Variants in LNP1 observed in about 807,000 individuals in gnomAD.
LNP1 encodes leukemia NUP98 fusion partner 1.
In LNP1, 12 loss-of-function variants were observed where a neutral mutation model predicts 14.5. That is an observed-to-expected ratio of 0.83 (90% CI 0.53 to 1.34). The LOEUF (loss-of-function observed/expected upper bound fraction) is 1.34, where lower values mean the gene tolerates loss of function less well. Ranked by LOEUF, LNP1 falls within the 40% of genes most tolerant of loss-of-function variation. The pLI is 0.00. For missense variants in LNP1, 198 were observed against 210.9 expected, an observed-to-expected ratio of 0.94 and a Z score of 0.38; for synonymous variants, 75 against 71.4, an observed-to-expected ratio of 1.05 and a Z score of -0.26.
intron 3 of LNP1, among the ~76,000 whole-genome samples, chr3:100,452,218 T>C (rs75585516): frequency 6.6e-6 from 1 of 150,624 alleles, no homozygotes; most frequent in East Asian, 1.9e-4. Flanking sequence ...TTTTTTTTTT[T>C]TTGAGATAGG....
rs1168827616 is a variant in LNP1 at position 100,444,890 on chromosome 3, G to C, written c.157-6829G>C. Reference sequence around the variant, plus strand: ...CTTTATAACCTTTATTAAGGCGTCAGCTAATGCTTCAAGAAAACCATGTTG... The same window carrying C: ...CTTTATAACCTTTATTAAGGCGTCACCTAATGCTTCAAGAAAACCATGTTG... On this transcript the variant is annotated intron_variant, in intron 2 of 3. Coordinates refer to ENST00000383693, the MANE Select transcript of LNP1 (RefSeq NM_001085451.2). Among the ~76,000 whole-genome samples the C allele has an allele frequency of 3.3e-5, 5 of 152,180 alleles. No individual in the cohort carries two copies. The East Asian group carries it at 9.6e-4, about 29-fold the overall frequency.
chr3:100,450,966 G>A (rs1707432055), intron 2 of LNP1, among the ~76,000 whole-genome samples: 1 of 152,186 alleles, frequency 6.6e-6, no homozygotes, highest in South Asian at 2.1e-4. Flanking sequence ...TGGGAGATCA[G>A]CGACTCTCTG....
intron 2 of LNP1, among the ~76,000 whole-genome samples, chr3:100,435,948 G>T (rs1430135627): frequency 6.6e-6 from 1 of 152,194 alleles, no homozygotes; most frequent in African/African-American, 2.4e-5. Context: ...CCAGTCCATG[G>T]TTGGTAGTCT....
intron 2 of LNP1, among the ~76,000 whole-genome samples, chr3:100,447,951 C>T (rs1460732607): frequency 1.3e-5 from 2 of 152,008 alleles, no homozygotes; most frequent in Admixed American, 1.3e-4. Context: ...AGAATGTTTT[C>T]CTACAAATAT....
chr3:100,452,285 C>T (rs1488460218), intron 3 of LNP1, among the ~76,000 whole-genome samples: 1 of 150,916 alleles, frequency 6.6e-6, no homozygotes, highest in African/African-American at 2.4e-5. Flanking sequence ...TCACTGCAGC[C>T]TCGAACTCCT....
intron 1 of LNP1, among the ~76,000 whole-genome samples, chr3:100,410,157 G>A (rs1218040735): frequency 6.6e-6 from 1 of 151,958 alleles, no homozygotes. Flanking sequence ...AGATTTTTGA[G>A]GTGCCTGCTA....
intron 2 of LNP1, among the ~76,000 whole-genome samples, chr3:100,444,612 C>T (rs905761717): frequency 1.3e-5 from 2 of 152,176 alleles, no homozygotes; most frequent in African/African-American, 4.8e-5. Context: ...AGGTTTAAAA[C>T]ACTTGATATC....
intron 3 of LNP1, among the ~76,000 whole-genome samples, chr3:100,453,890 A>G (rs1707484403): frequency 6.6e-6 from 1 of 152,134 alleles, no homozygotes; most frequent in Non-Finnish European, 1.5e-5. Context: ...TTTTTTTGCC[A>G]GTTGTCCCAA....
intron 1 of LNP1, among the ~76,000 whole-genome samples, chr3:100,419,009 CTG>C (rs1707118185): frequency 6.6e-6 from 1 of 152,182 alleles, no homozygotes; most frequent in Non-Finnish European, 1.5e-5. Flanking sequence ...CTTCTTCCTC[CTG>C]CATGGACAAC....
At chr3:100,405,495 G>T (rs1022223599) in intron 1 of LNP1, among the ~76,000 whole-genome samples, 1 of 152,196 alleles carries the variant, frequency 6.6e-6, no homozygotes, top group African/African-American at 2.4e-5. Flanking sequence ...GGGGGTTTGA[G>T]ATCAGTGTGC....
intron 1 of LNP1, among the ~76,000 whole-genome samples, chr3:100,411,907 T>G (rs1707035418): frequency 6.6e-6 from 1 of 152,126 alleles, no homozygotes; most frequent in Non-Finnish European, 1.5e-5. Context: ...ATTCAGTCCA[T>G]AATAGTTAGC....
At chr3:100,452,237 C>T (rs1437166792) in intron 3 of LNP1, among the ~76,000 whole-genome samples, 1 of 134,440 alleles carries the variant, frequency 7.4e-6, no homozygotes, top group Non-Finnish European at 1.5e-5. Context: ...GGGTCTTACT[C>T]TGTTGCCCAG....
intron 2 of LNP1, among the ~76,000 whole-genome samples, chr3:100,439,006 C>T (rs1707318093): frequency 6.6e-6 from 1 of 152,096 alleles, no homozygotes; most frequent in South Asian, 2.1e-4. Context: ...GGAGCTTCTC[C>T]CTGTCCCAAT....
intron 1 of LNP1, among the ~76,000 whole-genome samples, chr3:100,407,851 T>G (rs1706984614): frequency 6.6e-6 from 1 of 152,204 alleles, no homozygotes; most frequent in African/African-American, 2.4e-5. Flanking sequence ...CAGATTCTTT[T>G]TCTGATTGAT....
intron 1 of LNP1, among the ~76,000 whole-genome samples, chr3:100,424,005 G>A (rs916067663): frequency 2.0e-5 from 3 of 152,154 alleles, no homozygotes; most frequent in African/African-American, 7.2e-5. Flanking sequence ...GACACTTTCT[G>A]CTAGTGCTTT....
At chr3:100,414,648 G>T (rs1707064029) in intron 1 of LNP1, among the ~76,000 whole-genome samples, 1 of 152,152 alleles carries the variant, frequency 6.6e-6, no homozygotes, top group Non-Finnish European at 1.5e-5. Flanking sequence ...AAGTGAAAGA[G>T]ATTTTTCCTG....
chr3:100,432,431 A>C (rs1293571494), intron 2 of LNP1, among the ~76,000 whole-genome samples: 1 of 152,198 alleles, frequency 6.6e-6, no homozygotes, highest in East Asian at 1.9e-4. Context: ...CGAGTATCAC[A>C]GGGTGAAAGA....
intron 1 of LNP1, among the ~76,000 whole-genome samples, chr3:100,420,293 C>T (rs1442276929): frequency 1.3e-5 from 2 of 151,998 alleles, no homozygotes; most frequent in African/African-American, 4.8e-5. Flanking sequence ...CTTTTCTTTG[C>T]CTGCCTGCCT....
intron 2 of LNP1, among the ~76,000 whole-genome samples, chr3:100,440,563 A>G (rs555496142): frequency 1.4e-4 from 21 of 152,290 alleles, no homozygotes; most frequent in African/African-American, 4.6e-4. Flanking sequence ...AGGTAAAAAT[A>G]TTGTTATTTT....
Sources: allele counts gnomAD v4.1 joint callset (sites outside exome capture counted in the v4.1 genomes callset), GRCh38; gene constraint gnomAD v4.1.1; transcripts MANE v1.5; gene names NCBI Gene and HGNC (gene_info 2026-07-23, HGNC 2026-07-21).